The following NALF1 variants were observed in gnomAD, a reference collection of about 807,000 sequenced individuals.
The protein encoded by NALF1 is NALCN channel auxiliary factor 1.
A neutral mutation model predicts 48.4 loss-of-function variants in NALF1; 3 were observed. That is an observed-to-expected ratio of 0.06 (90% CI 0.03 to 0.16). NALF1 has a LOEUF of 0.16. NALF1 is among the 10% of genes least tolerant of loss of function. NALF1 has a pLI of 1.00. For missense variants in NALF1, 526 were observed against 571.5 expected (o/e 0.92, Z 0.81); for synonymous variants, 262 against 245.7 (o/e 1.07, Z -0.62).
At chr13:107,433,598 A>G (rs549692004) in intron 1 of NALF1, among the ~76,000 whole-genome samples, 1 of 152,038 alleles carries the variant, frequency 6.6e-6, no homozygotes, top group South Asian at 2.1e-4. Flanking sequence ...ATAAAAAAAG[A>G]AAGATAATAT....
chr13:107,780,504 T>C (rs1877857582), intron 1 of NALF1, among the ~76,000 whole-genome samples: 1 of 107,536 alleles, frequency 9.3e-6, no homozygotes, highest in South Asian at 3.3e-4. Context: ...GAGTTTTAAC[T>C]TTTTTTTTTT....
intron 1 of NALF1, among the ~76,000 whole-genome samples, chr13:107,479,883 T>C (rs1188900561): frequency 2.0e-5 from 3 of 152,142 alleles, no homozygotes; most frequent in Non-Finnish European, 4.4e-5. Context: ...ATGGCTTTTT[T>C]TTGAAAGTCA....
At chr13:107,801,360 A>T (rs1404746688) in intron 1 of NALF1, among the ~76,000 whole-genome samples, 2 of 152,220 alleles carry the variant, frequency 1.3e-5, no homozygotes, top group African/African-American at 4.8e-5. Flanking sequence ...ATGGTGTACT[A>T]GGATGATGTC....
intron 1 of NALF1, among the ~76,000 whole-genome samples, chr13:107,571,824 G>T (rs887498287): frequency 3.9e-5 from 6 of 152,144 alleles, no homozygotes; most frequent in Non-Finnish European, 7.4e-5. Context: ...TTTGAGAATT[G>T]CTTGGTGTGC....
chr13:107,464,590 G>A (rs1884970810), intron 1 of NALF1, among the ~76,000 whole-genome samples: 1 of 151,774 alleles, frequency 6.6e-6, no homozygotes, highest in Non-Finnish European at 1.5e-5. Flanking sequence ...GCGCAATCTC[G>A]ACTCACTGCA....
At chr13:107,300,558 CA>C (rs2138892319) in intron 1 of NALF1, among the ~76,000 whole-genome samples, 1 of 152,178 alleles carries the variant, frequency 6.6e-6, no homozygotes, top group South Asian at 2.1e-4. Context: ...TTGCCATTTC[CA>C]AAGTATCCAC....
chr13:107,586,539 T>C (rs528025795), intron 1 of NALF1, among the ~76,000 whole-genome samples: 1 of 151,980 alleles, frequency 6.6e-6, no homozygotes, highest in African/African-American at 2.4e-5. Flanking sequence ...TATCTATTTA[T>C]GGGAAGTAGG....
At chr13:107,709,175 C>T (rs1180945833) in intron 1 of NALF1, among the ~76,000 whole-genome samples, 1 of 152,096 alleles carries the variant, frequency 6.6e-6, no homozygotes, top group Admixed American at 6.5e-5. Context: ...AGTGTAGAGT[C>T]CATAAATATC....
intron 1 of NALF1, among the ~76,000 whole-genome samples, chr13:107,371,290 T>C (rs1391561470): frequency 2.0e-5 from 3 of 151,604 alleles, no homozygotes; most frequent in African/African-American, 7.3e-5. Flanking sequence ...CTACAAAAAA[T>C]TGAAAAATTA....
intron 1 of NALF1, among the ~76,000 whole-genome samples, chr13:107,646,022 G>A (rs908445718): frequency 1.3e-5 from 2 of 152,034 alleles, no homozygotes; most frequent in East Asian, 1.9e-4. Flanking sequence ...TCACACTATG[G>A]GGAAAACAGG....
At chr13:107,554,592 C>T (rs981185151) in intron 1 of NALF1, among the ~76,000 whole-genome samples, 1 of 152,180 alleles carries the variant, frequency 6.6e-6, no homozygotes, top group Admixed American at 6.5e-5. Context: ...GAAGCCCAGA[C>T]CCAAGAACTG....
At chr13:107,586,694 C>T (rs1440536979) in intron 1 of NALF1, among the ~76,000 whole-genome samples, 2 of 118,366 alleles carry the variant, frequency 1.7e-5, no homozygotes, top group African/African-American at 3.4e-5. Flanking sequence ...ACCAAATAGA[C>T]AAATGTAAGG....
intron 1 of NALF1, among the ~76,000 whole-genome samples, chr13:107,382,324 C>T (rs1883455830): frequency 6.6e-6 from 1 of 152,140 alleles, no homozygotes; most frequent in South Asian, 2.1e-4. Flanking sequence ...ATATAAACAA[C>T]TCAGTGAAAA....
At position 107,495,055 on chromosome 13, in the gene NALF1, C is replaced by T. The variant is rs147749087; in HGVS notation, c.916-284300G>A. 3.3e-3 allele frequency among the ~76,000 whole-genome samples: 502 copies of T among 152,318 alleles called. 1 individual carries two copies. Among genetic ancestry groups the T allele is most frequent in the Non-Finnish European group, 5.6e-3 (379 of 68,030 alleles). On this transcript the variant is annotated intron_variant, in intron 1 of 2. Transcript: ENST00000375915. The stretch of plus-strand genomic sequence containing the variant: ...GGCGTTACTGTTTGAGCACACCACA[C>T]AAATGGATACATCATCATATCATTC...
intron 2 of NALF1, among the ~76,000 whole-genome samples, chr13:107,182,524 C>T (rs192671845): frequency 2.9e-4 from 44 of 152,172 alleles, no homozygotes; most frequent in Admixed American, 5.2e-4. Flanking sequence ...CCCACCTTGG[C>T]CTCACAAAGT....
chr13:107,172,104 C>T (rs930289837), intron 2 of NALF1, among the ~76,000 whole-genome samples: 5 of 152,202 alleles, frequency 3.3e-5, no homozygotes, highest in Admixed American at 1.3e-4. Context: ...CTGTATCACT[C>T]GCCAAGCTAC....
chr13:107,640,288 AAC>A (rs1322701348), intron 1 of NALF1, among the ~76,000 whole-genome samples: 3 of 152,208 alleles, frequency 2.0e-5, no homozygotes, highest in African/African-American at 7.2e-5. Flanking sequence ...TGCCCTATAT[AAC>A]ACAGTGTACA....
At chr13:107,710,848 T>C (rs1421705343) in intron 1 of NALF1, among the ~76,000 whole-genome samples, 2 of 150,350 alleles carry the variant, frequency 1.3e-5, no homozygotes, top group Non-Finnish European at 3.0e-5. Context: ...CGTATAAATA[T>C]ACACAGATAT....
At chr13:107,635,441 C>CAACTCCATCATTCAACT (rs1555314007) in intron 1 of NALF1, among the ~76,000 whole-genome samples, 8 of 151,254 alleles carry the variant, frequency 5.3e-5, no homozygotes. Context: ...TAGGGGTAAC[C>CAACTCCATCATTCAACT]ACCTCCCACT....
Sources: allele counts gnomAD v4.1 joint callset (sites outside exome capture counted in the v4.1 genomes callset), GRCh38; gene constraint gnomAD v4.1.1; transcripts MANE v1.5; gene names NCBI Gene and HGNC (gene_info 2026-07-23, HGNC 2026-07-21).